The following TSHZ2 variants were observed in gnomAD, a reference collection of about 807,000 sequenced individuals.
TSHZ2 encodes the protein teashirt zinc finger homeobox 2, also known as teashirt homolog 2.
Under a neutral mutation model 74.4 loss-of-function variants are expected in TSHZ2, and 21 were observed. The observed-to-expected ratio is 0.28, with a 90% CI of 0.20 to 0.41. The LOEUF (loss-of-function observed/expected upper bound fraction) is 0.41, where lower values mean the gene tolerates loss of function less well. Ranked by LOEUF, TSHZ2 falls within the 10% of genes least tolerant of loss-of-function variation. TSHZ2 has a pLI of 1.00. For missense variants in TSHZ2, 1,244 were observed against 1,293.5 expected (o/e 0.96, Z 0.59); for synonymous variants, 540 against 515.3 (o/e 1.05, Z -0.65).
intron 2 of TSHZ2, among the ~76,000 whole-genome samples, chr20:53,343,236 G>A (rs1355615783): frequency 6.6e-6 from 1 of 151,886 alleles, no homozygotes; most frequent in East Asian, 1.9e-4. Flanking sequence ...CAAAGTGCTG[G>A]GATTACAGGC....
intron 1 of TSHZ2, among the ~76,000 whole-genome samples, chr20:53,075,389 G>A (rs1985335525): frequency 6.6e-6 from 1 of 152,150 alleles, no homozygotes; most frequent in Non-Finnish European, 1.5e-5. Context: ...TCATTAAAAT[G>A]CTTACTGTTT....
At position 53,048,326 on chromosome 20, in the gene TSHZ2, G is replaced by C. The variant is rs1469767831; in HGVS notation, c.40+74993G>C. 4.6e-5 allele frequency among the ~76,000 whole-genome samples: 7 copies of C among 152,190 alleles called. No homozygotes were observed. In the South Asian group the frequency reaches 1.2e-3, roughly 27 times the overall value. On this transcript the variant is annotated intron_variant, in intron 1 of 2. Coordinates refer to ENST00000371497, the MANE Select transcript of TSHZ2 (RefSeq NM_173485.6). ...GAAGGGGAGGAGAGAGAGAGAGAGA[G>C]AGCAAAATAATAACTTCTTAGCCGG...
rs920412423 is a variant in TSHZ2 at position 53,038,866 on chromosome 20, T to G, written c.40+65533T>G. On this transcript the variant is annotated intron_variant, in intron 1 of 2. Coordinates refer to ENST00000371497, the MANE Select transcript of TSHZ2 (RefSeq NM_173485.6). ...AGGGCCTTTTCACTTCTTGTTTTTT[T>G]TTTGTTTGTTTGTTTTGTTTTGTTT... is the stretch of plus-strand genomic sequence containing the variant. Among the ~76,000 whole-genome samples the G allele has an allele frequency of 5.9e-4, 80 of 134,948 alleles. No homozygotes were observed. In the South Asian group the frequency reaches 0.012, roughly 21 times the overall value. 88.5% of individuals were successfully genotyped at this position (134,948 alleles called of 152,430 possible). A position where few individuals can be genotyped will look rare whatever the true frequency, so the allele number is the denominator to read the frequency against.
rs1985301280 is a variant in TSHZ2, at chr20:53,074,342, A to G, written c.40+101009A>G. On this transcript the variant is annotated intron_variant, in intron 1 of 2. Transcript: ENST00000371497. This position sits in a 1 kb window ranked among gnomAD's most constrained non-coding sequence, Gnocchi z 5.9. ...TATCAGTCCTTTCTACTGGATTTTG[A>G]GTTTCCAGAGGGCTAGGACCAGGAT... 6.6e-6 allele frequency among the ~76,000 whole-genome samples: 1 copy of G among 152,156 alleles called. No individual in the cohort carries two copies. Among genetic ancestry groups the G allele is most frequent in the Admixed American group, 6.5e-5 (1 of 15,274 alleles).
At chr20:53,367,233 TA>T (rs879659669) in intron 2 of TSHZ2, among the ~76,000 whole-genome samples, 399 of 139,382 alleles carry the variant, frequency 2.9e-3, no homozygotes, top group Middle Eastern at 3.8e-3. Context: ...CTGTCTCTAC[TA>T]AAAAAAAAAA....
intron 1 of TSHZ2, among the ~76,000 whole-genome samples, chr20:53,033,931 A>C (rs961110324): frequency 1.3e-5 from 2 of 152,012 alleles, no homozygotes; most frequent in African/African-American, 4.8e-5. Flanking sequence ...AAGTGCTGGG[A>C]TTGCAGGCAT....
chr20:53,322,390 G>A (rs1239444534), intron 2 of TSHZ2, among the ~76,000 whole-genome samples: 1 of 152,102 alleles, frequency 6.6e-6, no homozygotes, highest in Admixed American at 6.5e-5. Flanking sequence ...GCAGGCGCCT[G>A]TAATCCCAGC....
At position 52,973,256 on chromosome 20, in the gene TSHZ2, G is replaced by A; in HGVS notation, c.-38G>A. On this transcript the variant is annotated 5_prime_UTR_variant, in exon 1 of 3. Coordinates refer to ENST00000371497, the MANE Select transcript of TSHZ2 (RefSeq NM_173485.6). Reference sequence around the variant, plus strand: ...AGCGGGCCCCAGCGCGCGGCTCGGGGCTGGGGCGCCAGAAGTGGGACTGGA... The same window carrying A: ...AGCGGGCCCCAGCGCGCGGCTCGGGACTGGGGCGCCAGAAGTGGGACTGGA... 1 of 1,551,762 alleles carries A rather than the reference G, an allele frequency of 6.4e-7. No homozygotes were observed.
chr20:53,347,633 ACT>A (rs1980489026), intron 2 of TSHZ2, among the ~76,000 whole-genome samples: 1 of 94,588 alleles, frequency 1.1e-5, no homozygotes. Context: ...CATCTTTTTT[ACT>A]TTTTTTTTTT....
At chr20:53,263,998 G>A (rs984032036) in intron 2 of TSHZ2, among the ~76,000 whole-genome samples, 6 of 152,188 alleles carry the variant, frequency 3.9e-5, no homozygotes, top group African/African-American at 1.4e-4. Flanking sequence ...AGGCAAATCA[G>A]GTGAGTTGGT....
chr20:53,159,626 C>A (rs1473854337), intron 1 of TSHZ2, among the ~76,000 whole-genome samples: 2 of 150,124 alleles, frequency 1.3e-5, no homozygotes, highest in Non-Finnish European at 3.0e-5. Flanking sequence ...AATGTTTTTT[C>A]AATGAATGAT....
intron 1 of TSHZ2, among the ~76,000 whole-genome samples, chr20:52,977,202 G>C (rs981943160): frequency 6.6e-6 from 1 of 152,076 alleles, no homozygotes; most frequent in African/African-American, 2.4e-5. Context: ...AGGATGGAGG[G>C]AGGGGGCAGG....
At chr20:53,236,482 A>G (rs1989941335) in intron 1 of TSHZ2, among the ~76,000 whole-genome samples, 1 of 152,334 alleles carries the variant, frequency 6.6e-6, no homozygotes, top group South Asian at 2.1e-4. Flanking sequence ...GCAGAAACAC[A>G]CGTGCCTCCA....
chr20:53,022,481 T>A (rs896227389), intron 1 of TSHZ2, among the ~76,000 whole-genome samples: 1 of 152,182 alleles, frequency 6.6e-6, no homozygotes, highest in Non-Finnish European at 1.5e-5. Flanking sequence ...CAAACTGCCC[T>A]TAAATTTACC....
At chr20:53,476,078 G>A (rs1407196181) in intron 2 of TSHZ2, among the ~76,000 whole-genome samples, 1 of 141,832 alleles carries the variant, frequency 7.1e-6, no homozygotes, top group African/African-American at 2.7e-5. Context: ...TCTACCAGAG[G>A]TACAAGGAGG....
intron 2 of TSHZ2, among the ~76,000 whole-genome samples, chr20:53,294,625 C>T (rs780633666): frequency 1.3e-5 from 2 of 152,178 alleles, no homozygotes; most frequent in African/African-American, 2.4e-5. Flanking sequence ...AGGTTCTCCT[C>T]AGCTCCTGAT....
At chr20:53,093,609 G>A (rs1199984133) in intron 1 of TSHZ2, among the ~76,000 whole-genome samples, 2 of 152,156 alleles carry the variant, frequency 1.3e-5, no homozygotes, top group South Asian at 4.1e-4. Flanking sequence ...CTAATGGCTG[G>A]TGTCTTCTCA....
intron 1 of TSHZ2, among the ~76,000 whole-genome samples, chr20:52,975,331 C>T (rs138311069): frequency 4.1e-4 from 63 of 152,074 alleles, no homozygotes; most frequent in Middle Eastern, 3.4e-3. Flanking sequence ...CTGGACATGT[C>T]TCCTTTAGTA....
At chr20:53,186,783 C>G (rs1273502862) in intron 1 of TSHZ2, among the ~76,000 whole-genome samples, 1 of 152,156 alleles carries the variant, frequency 6.6e-6, no homozygotes, top group Non-Finnish European at 1.5e-5. Context: ...AGGGAGGCAG[C>G]AGCCGTATTA....
Sources: allele counts gnomAD v4.1 joint callset (sites outside exome capture counted in the v4.1 genomes callset), GRCh38; gene constraint gnomAD v4.1.1; non-coding constraint Gnocchi (gnomAD v3.1); transcripts MANE v1.5; gene names NCBI Gene and HGNC (gene_info 2026-07-23, HGNC 2026-07-21).